ELAC2: variants seen among roughly 807,000 people sequenced by gnomAD.
The protein encoded by ELAC2 is zinc phosphodiesterase ELAC protein 2.
In ELAC2, 92 loss-of-function variants were observed where a neutral mutation model predicts 105.2. The ratio of observed to expected loss-of-function variants is 0.87; its 90% CI spans 0.74 to 1.04. The LOEUF (loss-of-function observed/expected upper bound fraction) is 1.04, where lower values mean the gene tolerates loss of function less well. Among genes scored for constraint, ELAC2 ranks in the 50% least tolerant of loss-of-function variants. ELAC2 has a pLI of 0.00. For synonymous variants in ELAC2, 468 were observed against 409.1 expected (o/e 1.14, Z -1.74); for missense variants, 1,099 against 1,071.7 (o/e 1.03, Z -0.36).
intron 5 of ELAC2, 80 bp from the exon 6 acceptor site, chr17:13,013,355 C>G: frequency 6.9e-7 from 1 of 1,443,550 alleles, no homozygotes; most frequent in South Asian, 1.2e-5. Context: ...TCACCAACCA[C>G]GAGCAACTGA....
At chr17:13,017,030 C>T in intron 2 of ELAC2, 41 bp downstream of exon 2, 1 of 1,613,532 alleles carries the variant, frequency 6.2e-7, no homozygotes, top group Non-Finnish European at 8.5e-7. Flanking sequence ...CTTTCAAGCC[C>T]CGTAATCAAC....
intron 11 of ELAC2, chr17:13,003,782 C>T: frequency 1.7e-6 from 1 of 589,302 alleles, no homozygotes; most frequent in Non-Finnish European, 3.1e-6. Flanking sequence ...ATTCCTGTAT[C>T]TGGCAAGCTC....
At chr17:13,010,517 C>A in intron 8 of ELAC2, 96 bp downstream of exon 8, 2 of 1,126,130 alleles carry the variant, frequency 1.8e-6, no homozygotes, top group African/African-American at 3.1e-5. Flanking sequence ...TCTCAGGTAA[C>A]AGGAGTGCCT....
chr17:13,005,048 C>G lies in ELAC2; in HGVS notation c.924G>C (p.Val308=), dbSNP rs2143621668. The change falls in exon 11 of 24, where the codon GTG becomes GTC. Residue 308 remains valine (V), a synonymous_variant. Coordinates refer to ENST00000338034, the MANE Select transcript of ELAC2 (RefSeq NM_018127.7). ...TGAAGCTTTCATCTGGACATTCTAC[C>G]ACCACAAAAGCAGCACCAGGATCTG... ...TPPDPGAAFV[V]VECPDESFIQ... is the part of the protein sequence containing the mutation. The G allele has an allele frequency of 6.2e-7, 1 of 1,614,170 alleles. No individual in the cohort carries two copies. The highest frequency in any genetic ancestry group is 1.3e-5 in the African/African-American group (1 of 75,046).
chr17:13,001,488 G>T (rs1026953492), intron 14 of ELAC2, among the ~76,000 whole-genome samples: 1 of 151,734 alleles, frequency 6.6e-6, no homozygotes, highest in African/African-American at 2.4e-5. Context: ...GTGAAACTCC[G>T]TCTCAAAAAA....
chr17:13,017,856 C>A lies in ELAC2; in HGVS notation c.92G>T (p.Arg31Leu). 6.4e-7 allele frequency: 1 copy of A among 1,564,748 alleles called. No individual in the cohort carries two copies. The highest frequency in any genetic ancestry group is 8.6e-7 in the Non-Finnish European group (1 of 1,157,198). Residue 31 changes from arginine to leucine, a missense_variant, in exon 1 of 24, where the codon CGG becomes CTG. Coordinates refer to ENST00000338034, the MANE Select transcript of ELAC2 (RefSeq NM_018127.7). ...GTGCCGCAGCGGGTCCTTGCGCGGC[C>A]GCTCGCGGCGGGCGGGTGCCTGCGA... ...TISQAPARRE[R>L]PRKDPLRHLR...
At position 12,992,626 on chromosome 17, in the gene ELAC2, C is replaced by G. The variant is rs1019458619; in HGVS notation, c.*192G>C. 1.4e-5 allele frequency: 9 copies of G among 635,800 alleles called. No homozygotes were observed. The highest frequency in any genetic ancestry group is 2.2e-5 in the Non-Finnish European group (8 of 369,732). 39.4% of individuals were successfully genotyped at this position (635,800 alleles called of 1,614,324 possible). A position where few individuals can be genotyped will look rare whatever the true frequency, so the allele number is the denominator to read the frequency against. ...TCCTGGCCCGCGGCTGTGCCAGGCA[C>G]CAGTCCTAAGAGGCATCTATAGACT... On this transcript the variant is annotated 3_prime_UTR_variant, in exon 24 of 24. Transcript: ENST00000338034.
intron 15 of ELAC2, among the ~76,000 whole-genome samples, chr17:12,999,751 C>T (rs2040672808): frequency 6.6e-6 from 1 of 152,138 alleles, no homozygotes; most frequent in Admixed American, 6.5e-5. Context: ...CTCCGCCTCC[C>T]GGGTTCTCGC....
intron 17 of ELAC2, 123 bp downstream of exon 17, chr17:12,996,424 A>C: frequency 7.6e-6 from 11 of 1,447,580 alleles, no homozygotes; most frequent in Non-Finnish European, 1.1e-5. Context: ...TTTCCTAGCC[A>C]GAGATGAGTA....
chr17:13,006,222 T>C (rs530912115), intron 8 of ELAC2: 1 of 473,406 alleles, frequency 2.1e-6, no homozygotes, highest in East Asian at 4.2e-5. Flanking sequence ...AATACAAAAT[T>C]GGCCAGGCGT....
chr17:13,005,963 C>T lies in ELAC2; in HGVS notation c.755G>A (p.Gly252Glu). 1 of 1,614,148 alleles carries T rather than the reference C, an allele frequency of 6.2e-7. No individual in the cohort carries two copies. Among genetic ancestry groups the T allele is most frequent in the Non-Finnish European group, 8.5e-7 (1 of 1,180,038 alleles). ...AFICKLHLKR[G>E]NFLVLKAKEM... Reference sequence around the variant, plus strand: ...CTTTGCTTTGAGCACCAAGAAGTTTCCTCTCTTTAAGTGAAGCTGCAACAA... The same window carrying T: ...CTTTGCTTTGAGCACCAAGAAGTTTTCTCTCTTTAAGTGAAGCTGCAACAA... The change falls in exon 9 of 24, where the codon GGA becomes GAA. Residue 252 changes from glycine to glutamate, a missense_variant. Gly to Glu is a moderately conservative substitution (Grantham distance 98). Transcript: ENST00000338034.
At chr17:13,010,835 T>G (rs1402893654) in intron 7 of ELAC2, among the ~76,000 whole-genome samples, 164 bp from the exon 8 acceptor site, 1 of 152,230 alleles carries the variant, frequency 6.6e-6, no homozygotes, top group African/African-American at 2.4e-5. Context: ...GAAGACTTTT[T>G]TTCCCTACTT....
intron 5 of ELAC2, 139 bp downstream of exon 5, chr17:13,014,290 CAAAAAAAAAA>C (rs959230890): frequency 1.6e-5 from 6 of 372,548 alleles, no homozygotes; most frequent in South Asian, 1.0e-4. Context: ...AGACTCTATC[CAAAAAAAAAA>C]AAAAAAAAAA....
chr17:13,014,638 T>C (rs2041622299), intron 4 of ELAC2, 142 bp from the exon 5 acceptor site: 1 of 719,412 alleles, frequency 1.4e-6, no homozygotes, highest in South Asian at 1.5e-5. Context: ...ATTACAAATA[T>C]TTACTGAGTA....
chr17:13,003,676 C>G (rs1421952205), intron 11 of ELAC2, 102 bp from the exon 12 acceptor site: 2 of 999,490 alleles, frequency 2.0e-6, no homozygotes, highest in African/African-American at 3.2e-5. Context: ...CTCTGCAGCA[C>G]TGCAGTGAGC....
rs147779718 is a variant in ELAC2 at position 12,992,895 on chromosome 17, C to T, written c.2404G>A (p.Gly802Ser). The T allele has an allele frequency of 2.7e-5, 43 of 1,612,174 alleles. No homozygotes were observed. The highest frequency in any genetic ancestry group is 2.4e-4 in the African/African-American group (18 of 74,916). ...AALLSRELAGGLEDGEPQQKR... is the reference protein window; with the variant it reads ...AALLSRELAGSLEDGEPQQKR... ...TGCTGAGGCTCCCCATCCTCCAGGC[C>T]GCCTGCCAGCTCCCTGGACAGGAGG... Residue 802 changes from glycine (G) to serine (S), a missense_variant, in exon 24 of 24, where the codon GGC becomes AGC. Coordinates refer to ENST00000338034, the MANE Select transcript of ELAC2 (RefSeq NM_018127.7).
At chr17:13,016,096 T>C (rs764501257) in intron 3 of ELAC2, among the ~76,000 whole-genome samples, 15 of 152,330 alleles carry the variant, frequency 9.8e-5, no homozygotes, top group Non-Finnish European at 7.3e-5. Context: ...TAAGGAATCA[T>C]GCAAGTGAAG....
chr17:13,013,612 C>T (rs189014118), intron 5 of ELAC2, among the ~76,000 whole-genome samples: 1 of 152,254 alleles, frequency 6.6e-6, no homozygotes, highest in African/African-American at 2.4e-5. Context: ...CATCGCAAAC[C>T]AGAAGAGCTG....
intron 22 of ELAC2, 118 bp downstream of exon 22, chr17:12,994,307 A>G: frequency 8.7e-7 from 1 of 1,148,720 alleles, no homozygotes; most frequent in South Asian, 1.2e-5. Context: ...AAGCCCCCAT[A>G]GCCCTTGATA....
Sources: gnomAD v4.1 joint callset for allele counts (sites outside exome capture counted in the v4.1 genomes callset) on GRCh38, gnomAD v4.1.1 for gene constraint, MANE v1.5 for transcripts, NCBI Gene and HGNC (gene_info 2026-07-23, HGNC 2026-07-21) for gene names.